Variants in MTSS1 observed in about 807,000 individuals in gnomAD.
MTSS1 encodes the protein protein MTSS 1.
MTSS1 carries 18 observed loss-of-function variants against 79.0 expected under a neutral mutation model. That is an observed-to-expected ratio of 0.23 (90% CI 0.16 to 0.34). The LOEUF is 0.34. MTSS1 is among the 10% of genes least tolerant of loss of function. The pLI, the probability that MTSS1 is intolerant of heterozygous loss-of-function variation, is 1.00. For missense variants in MTSS1, 815 were observed against 986.2 expected, an observed-to-expected ratio of 0.83 and a Z score of 2.33; for synonymous variants, 341 against 368.6, an observed-to-expected ratio of 0.93 and a Z score of 0.86.
At chr8:124,654,638 C>G (rs1820606408) in intron 3 of MTSS1, among the ~76,000 whole-genome samples, 1 of 152,156 alleles carries the variant, frequency 6.6e-6, no homozygotes, top group Non-Finnish European at 1.5e-5. Flanking sequence ...TGATCCTAAC[C>G]CAGCGTAATT....
intron 9 of MTSS1, among the ~76,000 whole-genome samples, chr8:124,565,260 A>T (rs1826140949): frequency 6.6e-6 from 1 of 152,232 alleles, no homozygotes; most frequent in African/African-American, 2.4e-5. Flanking sequence ...AAATGAGGGC[A>T]TAAGCCATTG....
At position 124,567,185 on chromosome 8, in the gene MTSS1, GA is replaced by G; in HGVS notation, c.619-8del. ...GCATTGAGATTTCTTCTTCCTGAAGGAAAAGTCATTCATGAAATGTTATTAT... is the reference window on the plus strand; with the variant it reads ...GCATTGAGATTTCTTCTTCCTGAAGGAAAGTCATTCATGAAATGTTATTAT... On this transcript the variant is annotated splice_region_variant and splice_polypyrimidine_tract_variant and intron_variant, in intron 7 of 13. Transcript: ENST00000518547. The G allele has an allele frequency of 6.3e-7, 1 of 1,581,926 alleles. No individual in the cohort carries two copies. Among genetic ancestry groups the G allele is most frequent in the Non-Finnish European group, 8.7e-7 (1 of 1,150,794 alleles).
chr8:124,680,857 C>T (rs1826016535), intron 3 of MTSS1, among the ~76,000 whole-genome samples: 1 of 152,180 alleles, frequency 6.6e-6, no homozygotes, highest in Non-Finnish European at 1.5e-5. Flanking sequence ...GAGGTCATTG[C>T]TTCTCTGCAT....
rs565325488 is a variant in MTSS1, at chr8:124,599,836, T to C, written c.209-8601A>G. Among the ~76,000 whole-genome samples, 11 of 152,246 alleles carry C rather than the reference T, an allele frequency of 7.2e-5. No individual in the cohort carries two copies. In the South Asian group the frequency reaches 1.9e-3, roughly 26 times the overall value. Reference sequence around the variant, plus strand: ...ATAGAGTTTCAGTAGCAACAGTGTCTCTCACCATGGCTAATCTAGAGTCTT... The same window carrying C: ...ATAGAGTTTCAGTAGCAACAGTGTCCCTCACCATGGCTAATCTAGAGTCTT... On this transcript the variant is annotated intron_variant, in intron 3 of 13. Coordinates refer to ENST00000518547, the MANE Select transcript of MTSS1 (RefSeq NM_014751.6).
intron 6 of MTSS1, among the ~76,000 whole-genome samples, chr8:124,569,697 T>G (rs1220726285): frequency 6.6e-6 from 1 of 152,230 alleles, no homozygotes; most frequent in African/African-American, 2.4e-5. Context: ...ATGTCATGTG[T>G]GTATACAGCA....
intron 3 of MTSS1, among the ~76,000 whole-genome samples, chr8:124,634,645 G>A (rs1006925205): frequency 6.6e-6 from 1 of 152,004 alleles, no homozygotes; most frequent in African/African-American, 2.4e-5. Flanking sequence ...GTGATGGGCT[G>A]ATTAGAGCCA....
intron 1 of MTSS1, among the ~76,000 whole-genome samples, chr8:124,705,246 A>T (rs572722437): frequency 2.6e-4 from 39 of 152,164 alleles, no homozygotes; most frequent in Admixed American, 7.2e-4. Context: ...CAAGGTGGGC[A>T]GACATCTTGA....
At chr8:124,661,405 G>A (rs967539649) in intron 3 of MTSS1, among the ~76,000 whole-genome samples, 1 of 151,722 alleles carries the variant, frequency 6.6e-6, no homozygotes, top group Non-Finnish European at 1.5e-5. Context: ...TCTAGACAAA[G>A]AGCAAGTTCA....
chr8:124,623,572 A>C (rs554265530), intron 3 of MTSS1, among the ~76,000 whole-genome samples: 1 of 152,322 alleles, frequency 6.6e-6, no homozygotes, highest in East Asian at 1.9e-4. Context: ...CAATTTAAGC[A>C]TTTGGCCTAA....
chr8:124,589,629 G>T lies in MTSS1; in HGVS notation c.376C>A (p.His126Asn). Residue 126 changes from histidine to asparagine, a missense_variant, in exon 5 of 14, where the codon CAC (histidine) becomes AAC (asparagine). Physicochemically the swap from His to Asn is moderately conservative, Grantham distance 68. Around this residue, in one of 2 missense-constraint regions of MTSS1, gnomAD observed 225 missense variants for 365.4 expected, o/e 0.62. Coordinates refer to ENST00000518547, the MANE Select transcript of MTSS1 (RefSeq NM_014751.6). ...CATCTCGCCCCTGTACCTTTTGCGT[G>T]GTCTTTATCCAGCTGGTTGGCCACT... ...KKVANQLDKD[H>N]AKEYKKARQE... 1 of 1,612,846 alleles carries T rather than the reference G, an allele frequency of 6.2e-7. No individual in the cohort carries two copies. The highest frequency in any genetic ancestry group is 8.5e-7 in the Non-Finnish European group (1 of 1,179,400).
At chr8:124,602,194 T>TATATATATATATACACACACACACAC (rs1554665924) in intron 3 of MTSS1, among the ~76,000 whole-genome samples, 1 of 141,838 alleles carries the variant, frequency 7.1e-6, no homozygotes, top group African/African-American at 2.8e-5. Context: ...TATACATATA[T>TATATATATATATACACACACACACAC]ATATATATAT....
rs116027353 is a variant in MTSS1 at position 124,665,948 on chromosome 8, A to G, written c.208+33578T>C. Among the ~76,000 whole-genome samples the G allele has an allele frequency of 5.5e-3, 838 of 151,818 alleles. 7 individuals are homozygous for G. The highest frequency in any genetic ancestry group is 0.02 in the African/African-American group (808 of 41,356). On this transcript the variant is annotated intron_variant, in intron 3 of 13. Transcript: ENST00000518547. ...CACTCTACTGCTGATGAGTCTCACG[A>G]TTTTGGGCAAGTTACTTAACCTAGC...
intron 3 of MTSS1, among the ~76,000 whole-genome samples, chr8:124,643,529 C>G (rs1818437985): frequency 6.6e-6 from 1 of 151,922 alleles, no homozygotes; most frequent in Non-Finnish European, 1.5e-5. Context: ...GAAACCCCAT[C>G]TCTACCAAAA....
At chr8:124,704,102 T>A (rs976772567) in intron 2 of MTSS1, 28 bp downstream of exon 2, 6 of 1,608,842 alleles carry the variant, frequency 3.7e-6, no homozygotes, top group Non-Finnish European at 5.1e-6. Context: ...TGTTGTCCTT[T>A]TCCTGTAGAA....
At chr8:124,724,908 T>C (rs1212779295) in intron 1 of MTSS1, among the ~76,000 whole-genome samples, 1 of 152,202 alleles carries the variant, frequency 6.6e-6, no homozygotes, top group East Asian at 1.9e-4. Flanking sequence ...GGCCCTTCCC[T>C]CCAGCCACGT....
intron 3 of MTSS1, among the ~76,000 whole-genome samples, chr8:124,663,314 G>A (rs1822444762): frequency 6.6e-6 from 1 of 152,126 alleles, no homozygotes; most frequent in Non-Finnish European, 1.5e-5. Context: ...CTTTGCTCAA[G>A]GAGGCTTCCC....
At chr8:124,599,029 A>C (rs755104196) in intron 3 of MTSS1, among the ~76,000 whole-genome samples, 1 of 152,204 alleles carries the variant, frequency 6.6e-6, no homozygotes, top group Non-Finnish European at 1.5e-5. Context: ...AGTGTCCCTG[A>C]AGATGTCTAC....
intron 5 of MTSS1, among the ~76,000 whole-genome samples, chr8:124,587,663 T>C (rs1199855613): frequency 6.6e-6 from 1 of 151,974 alleles, no homozygotes; most frequent in African/African-American, 2.4e-5. Context: ...CACGCCCAGC[T>C]AATTGGTTTT....
chr8:124,636,331 A>T (rs749599232), intron 3 of MTSS1, among the ~76,000 whole-genome samples: 1 of 152,160 alleles, frequency 6.6e-6, no homozygotes, highest in Non-Finnish European at 1.5e-5. Context: ...GGGTTTCACC[A>T]TGTTGGCCAG....
Sources: allele counts gnomAD v4.1 joint callset (sites outside exome capture counted in the v4.1 genomes callset), GRCh38; gene constraint gnomAD v4.1.1; regional missense constraint gnomAD v4.1.1; transcripts MANE v1.5; gene names NCBI Gene and HGNC (gene_info 2026-07-23, HGNC 2026-07-21).